The following JADE2 variants were observed in gnomAD, a reference collection of about 807,000 sequenced individuals.
JADE2 encodes the protein E3 ubiquitin-protein ligase Jade-2.
JADE2 carries 13 observed loss-of-function variants against 85.7 expected under a neutral mutation model. The ratio of observed to expected loss-of-function variants is 0.15; its 90% CI spans 0.10 to 0.24. The LOEUF (loss-of-function observed/expected upper bound fraction) is 0.24. Ranked by LOEUF, JADE2 falls within the 10% of genes least tolerant of loss-of-function variation. The probability of loss-of-function intolerance (pLI) is 1.00; values close to 1 mark genes in which losing one functional copy is unlikely to be tolerated. For synonymous variants in JADE2, 440 were observed against 456.1 expected, an observed-to-expected ratio of 0.96 and a Z score of 0.45; for missense variants, 846 against 1,115.9, an observed-to-expected ratio of 0.76 and a Z score of 3.45.
chr5:134,531,802 C>T (rs561962397), intron 1 of JADE2, among the ~76,000 whole-genome samples: 3 of 149,608 alleles, frequency 2.0e-5, no homozygotes, highest in East Asian at 2.0e-4. Flanking sequence ...AGGCTGGTCT[C>T]GAATTCCTGA....
chr5:134,526,271 A>G (rs2149837628), intron 1 of JADE2: 2 of 985,248 alleles, frequency 2.0e-6, no homozygotes, highest in Admixed American at 6.1e-5. Context: ...CGCATGCAAC[A>G]ACAACTTTTG....
chr5:134,556,634 C>A (rs1342659393), intron 4 of JADE2, among the ~76,000 whole-genome samples: 1 of 73,870 alleles, frequency 1.4e-5, no homozygotes, highest in Non-Finnish European at 2.6e-5. Context: ...CACACACACA[C>A]CTCACACATC....
Position 134,576,868 on chromosome 5 carries a change from G to C in JADE2, c.1653G>C (p.Ala551=). The change falls in exon 11 of 12, where the codon GCG becomes GCC. Residue 551 remains alanine (A), a synonymous_variant. Transcript: ENST00000681547. ...CTGAGAAGAAAGAGAAAGTGAAGGC[G>C]GGGCCTGACTCAGTCCTGGGGCAGC... The part of the protein sequence containing the change: ...GSTEKKEKVK[A]GPDSVLGQLA... 1.3e-6 allele frequency: 2 copies of C among 1,548,336 alleles called. No homozygotes were observed. Among genetic ancestry groups the C allele is most frequent in the Non-Finnish European group, 1.7e-6 (2 of 1,145,774 alleles).
intron 4 of JADE2, among the ~76,000 whole-genome samples, chr5:134,556,861 C>CA (rs1762972784): frequency 8.8e-6 from 1 of 113,704 alleles, no homozygotes; most frequent in African/African-American, 3.4e-5. Context: ...CACGCACACA[C>CA]CACACACACC....
intron 8 of JADE2, among the ~76,000 whole-genome samples, chr5:134,565,756 C>G (rs1763601974): frequency 6.6e-6 from 1 of 151,320 alleles, no homozygotes; most frequent in Admixed American, 6.6e-5. Context: ...TCGCTTGAAC[C>G]TGGGAAGCGG....
intron 6 of JADE2, among the ~76,000 whole-genome samples, chr5:134,561,479 CATTACTGGCTTT>C (rs1197711725): frequency 2.0e-5 from 3 of 152,178 alleles, no homozygotes; most frequent in Non-Finnish European, 4.4e-5. Flanking sequence ...TATTTGTCAC[CATTACTGGCTTT>C]ATGTGCCAGT....
chr5:134,526,986 C>G (rs899423532), intron 1 of JADE2, among the ~76,000 whole-genome samples: 1 of 152,198 alleles, frequency 6.6e-6, no homozygotes, highest in Non-Finnish European at 1.5e-5. Flanking sequence ...GCTTCAGGGA[C>G]GGATCCGCAG....
intron 3 of JADE2, among the ~76,000 whole-genome samples, chr5:134,551,013 C>T (rs1004310698): frequency 2.0e-5 from 3 of 152,122 alleles, no homozygotes; most frequent in African/African-American, 7.2e-5. Flanking sequence ...AGTCCCAGCT[C>T]ATGTGAAGCC....
At position 134,578,498 on chromosome 5, in the gene JADE2, C is replaced by G. The variant is rs1176605699; in HGVS notation, c.1686C>G (p.Gly562=). Residue 562 remains glycine (G), a synonymous_variant, in exon 12 of 12, where the codon GGC becomes GGG. Coordinates refer to ENST00000681547, the MANE Select transcript of JADE2 (RefSeq NM_001388185.1). The surrounding 1 kb of genome is among the most constrained non-coding windows in gnomAD (Gnocchi z 4.4). The stretch of plus-strand genomic sequence containing the variant: ...TTGCCTCCTCTCTCCCCTCAGCAGG[C>G]CTGTCCACCTCATTCCCCATCGATG... ...GPDSVLGQLA[G]LSTSFPIDGT... 6.3e-7 allele frequency: 1 copy of G among 1,576,254 alleles called. No homozygotes were observed. The highest frequency in any genetic ancestry group is 8.6e-7 in the Non-Finnish European group (1 of 1,156,304).
chr5:134,574,031 A>G (rs1474798192), intron 10 of JADE2: 6 of 532,042 alleles, frequency 1.1e-5, no homozygotes, highest in Non-Finnish European at 2.1e-5. Flanking sequence ...TGACTAGGCC[A>G]CAGCAGTTCA....
chr5:134,534,482 T>C (rs2149869585), intron 1 of JADE2, among the ~76,000 whole-genome samples: 2 of 152,106 alleles, frequency 1.3e-5, no homozygotes, highest in Middle Eastern at 3.4e-3. Context: ...TGGTGGGCAC[T>C]GGGGTAGAGA....
intron 3 of JADE2, among the ~76,000 whole-genome samples, chr5:134,550,718 G>T (rs1197674054): frequency 1.3e-5 from 2 of 152,200 alleles, no homozygotes. Context: ...GGTGACTGGG[G>T]CAGGAGGCGT....
chr5:134,567,103 C>T (rs1172174088), intron 9 of JADE2, among the ~76,000 whole-genome samples: 1 of 152,168 alleles, frequency 6.6e-6, no homozygotes, highest in Non-Finnish European at 1.5e-5. Flanking sequence ...GATGGGTAAA[C>T]GCGGCTCCGT....
At chr5:134,526,603 C>T in intron 1 of JADE2, 1 of 985,440 alleles carries the variant, frequency 1.0e-6, no homozygotes, top group Non-Finnish European at 1.2e-6. Flanking sequence ...CGGTCCCAGA[C>T]ACCTTCCGGG....
rs946310471 is a variant in JADE2 at position 134,525,809 on chromosome 5, G to A, written c.-203G>A. ...GGCACCGGCTTAGGTCCTGCGGGCC[G>A]ACCGTCCCCGGCGGGGGGCGTGGGG... On this transcript the variant is annotated 5_prime_UTR_variant, in exon 1 of 12. Transcript: ENST00000681547. The A allele has an allele frequency of 2.9e-6, 3 of 1,017,370 alleles. No individual in the cohort carries two copies. Among genetic ancestry groups the A allele is most frequent in the Non-Finnish European group, 2.4e-6 (2 of 847,626 alleles). The allele number at this position is 1,017,370 out of a possible 1,614,324, so 63.0% of individuals were successfully genotyped here. A position where few individuals can be genotyped will look rare whatever the true frequency, so the allele number is the denominator to read the frequency against.
At position 134,563,576 on chromosome 5, in the gene JADE2, T is replaced by C. The variant is rs376770111; in HGVS notation, c.853-918T>C. ...GCCCTGCTGTGTGGACTGACTCAGA[T>C]TGAGGCCCCACTCCAGTGTTGCCTG... On this transcript the variant is annotated intron_variant, in intron 7 of 11. Transcript: ENST00000681547. 1.3e-4 allele frequency among the ~76,000 whole-genome samples: 20 copies of C among 152,342 alleles called. No homozygotes were observed. The South Asian group carries it at 3.5e-3, about 27-fold the overall frequency.
chr5:134,528,674 G>T (rs945069073), intron 1 of JADE2, among the ~76,000 whole-genome samples: 3 of 152,184 alleles, frequency 2.0e-5, no homozygotes, highest in African/African-American at 7.2e-5. Context: ...CTGTTGTTTT[G>T]AGTGGAAAAG....
chr5:134,525,478 C>T (rs1760737164), upstream of JADE2, among the ~76,000 whole-genome samples: 1 of 151,478 alleles, frequency 6.6e-6, no homozygotes, highest in Non-Finnish European at 1.5e-5. Context: ...GGACTCCCCG[C>T]CGGAGCCAAA....
chr5:134,551,508 T>C (rs368337411), intron 3 of JADE2, among the ~76,000 whole-genome samples: 176 of 151,592 alleles, frequency 1.2e-3, no homozygotes, highest in East Asian at 6.0e-3. Context: ...GGATTACAGG[T>C]GTGAGCCACC....
Sources: gnomAD v4.1 joint callset for allele counts (sites outside exome capture counted in the v4.1 genomes callset) on GRCh38, gnomAD v4.1.1 for gene constraint, Gnocchi (gnomAD v3.1) non-coding constraint, MANE v1.5 for transcripts, NCBI Gene and HGNC (gene_info 2026-07-23, HGNC 2026-07-21) for gene names.